The following FBXL2 variants were observed in gnomAD, a reference collection of about 807,000 sequenced individuals.
FBXL2 encodes the protein F-box and leucine rich repeat protein 2.
Under a neutral mutation model 69.2 loss-of-function variants are expected in FBXL2, and 38 were observed. The ratio of observed to expected loss-of-function variants is 0.55; its 90% CI spans 0.42 to 0.72. FBXL2 has a LOEUF of 0.72. Among genes scored for constraint, FBXL2 ranks in the 30% least tolerant of loss-of-function variants. The probability of loss-of-function intolerance (pLI) is 0.00; values close to 1 mark genes in which losing one functional copy is unlikely to be tolerated. For synonymous variants in FBXL2, 192 were observed against 201.3 expected (o/e 0.95, Z 0.39); for missense variants, 354 against 520.3 (o/e 0.68, Z 3.11).
At chr3:33,303,593 A>G (rs1373203070) in intron 2 of FBXL2, among the ~76,000 whole-genome samples, 2 of 152,188 alleles carry the variant, frequency 1.3e-5, no homozygotes, top group African/African-American at 2.4e-5. Flanking sequence ...AAATTATATT[A>G]GAGATCTATT....
At chr3:33,383,840 G>A in intron 13 of FBXL2, 149 bp from the exon 14 acceptor site, 1 of 645,270 alleles carries the variant, frequency 1.5e-6, no homozygotes, top group Admixed American at 2.6e-5. Context: ...CTGAAGGCTG[G>A]GAAGTCCAGG....
At chr3:33,293,964 T>C (rs746388604) in intron 1 of FBXL2, among the ~76,000 whole-genome samples, 10 of 152,138 alleles carry the variant, frequency 6.6e-5, no homozygotes, top group Non-Finnish European at 1.3e-4. Flanking sequence ...GACAGACATA[T>C]GTAAGACCAC....
At chr3:33,347,190 T>C (rs144833361) in intron 2 of FBXL2, among the ~76,000 whole-genome samples, 1 of 152,326 alleles carries the variant, frequency 6.6e-6, no homozygotes, top group African/African-American at 2.4e-5. Flanking sequence ...GTTTTAATTT[T>C]CAGCCTCCAC....
intron 12 of FBXL2, among the ~76,000 whole-genome samples, chr3:33,400,777 T>C (rs1013931653): frequency 1.2e-4 from 18 of 152,212 alleles, no homozygotes; most frequent in African/African-American, 4.3e-4. Context: ...CAGAGTAGGA[T>C]GACTATACCT....
intron 2 of FBXL2, 45 bp from the exon 3 acceptor site, chr3:33,358,922 A>T (rs2041409965): frequency 8.1e-7 from 1 of 1,235,972 alleles, no homozygotes; most frequent in African/African-American, 1.5e-5. Flanking sequence ...TTATCCTGAA[A>T]TGTTAACACC....
the FBXL2 span, among the ~76,000 whole-genome samples, chr3:33,417,528 C>T: frequency 6.6e-6 from 1 of 152,124 alleles, no homozygotes; most frequent in Admixed American, 6.6e-5. Context: ...TGTGTAAAGA[C>T]TAAACCAAAT....
rs545215517 is a variant in FBXL2, at chr3:33,365,755, C to CA, written c.290+1038dup. ...CAAACAAACAAACAAACAAACAAAC[C>CA]AACAACAATTTGTGCTTTGAGGATT... On this transcript the variant is annotated intron_variant, in intron 5 of 14. Transcript: ENST00000484457. Among the ~76,000 whole-genome samples the CA allele has an allele frequency of 6.1e-3, 417 of 68,768 alleles. 3 individuals are homozygous for CA. The highest frequency in any genetic ancestry group is 0.053 in the Middle Eastern group (8 of 152). The allele number at this position is 68,768 out of a possible 152,430, so 45.1% of individuals were successfully genotyped here. A position where few individuals can be genotyped will look rare whatever the true frequency, so the allele number is the denominator to read the frequency against.
intron 4 of FBXL2, among the ~76,000 whole-genome samples, chr3:33,362,035 A>G (rs1229693405): frequency 6.6e-6 from 1 of 152,216 alleles, no homozygotes; most frequent in Non-Finnish European, 1.5e-5. Flanking sequence ...AAACTGAGGC[A>G]AAGAAAAGGT....
chr3:33,390,109 G>A, downstream of FBXL2: 1 of 522,438 alleles, frequency 1.9e-6, no homozygotes. Context: ...AGAGCTGGAT[G>A]CATGCTGTGC....
intron 2 of FBXL2, among the ~76,000 whole-genome samples, chr3:33,354,585 T>C (rs1161978162): frequency 6.6e-6 from 1 of 151,416 alleles, no homozygotes; most frequent in Non-Finnish European, 1.5e-5. Flanking sequence ...CAAATGGAAA[T>C]ATTTTACAGT....
At chr3:33,299,285 G>A (rs1406242809) in intron 2 of FBXL2, among the ~76,000 whole-genome samples, 4 of 152,088 alleles carry the variant, frequency 2.6e-5, no homozygotes, top group East Asian at 1.9e-4. Context: ...CAGGTAATCC[G>A]CCCGCCTCGG....
chr3:33,401,251 G>T (rs1249169226), intron 12 of FBXL2, among the ~76,000 whole-genome samples: 1 of 152,136 alleles, frequency 6.6e-6, no homozygotes, highest in African/African-American at 2.4e-5. Context: ...ATCTGTACTA[G>T]TAAGAAATTC....
At chr3:33,329,836 T>C (rs530527861) in intron 2 of FBXL2, among the ~76,000 whole-genome samples, 19 of 151,920 alleles carry the variant, frequency 1.3e-4, no homozygotes, top group African/African-American at 4.3e-4. Flanking sequence ...TACAAAACTT[T>C]TTAAAAAATG....
chr3:33,278,177 A>G (rs1163064078), intron 1 of FBXL2: 1 of 152,140 alleles, frequency 6.6e-6, no homozygotes, highest in Non-Finnish European at 1.5e-5. Flanking sequence ...TTGTTCAGTT[A>G]ACTTCAGACG....
At chr3:33,385,386 T>G (rs573817291) in intron 14 of FBXL2, 115 bp from the exon 15 acceptor site, 12 of 926,048 alleles carry the variant, frequency 1.3e-5, no homozygotes, top group Non-Finnish European at 2.2e-5. Flanking sequence ...GCATAAATTC[T>G]ACTTCAACTA....
chr3:33,300,710 C>CT (rs576599326), intron 2 of FBXL2: 1,481 of 137,816 alleles, frequency 0.011, 14 homozygotes, highest in African/African-American at 0.028. Context: ...GCTATGCTTT[C>CT]TTTTTTTTTT....
Position 33,364,624 on chromosome 3 carries a change from G to T in FBXL2, c.196-1G>T. ...TTCCTCCCGAACTTTCTTGATTAAA[G>T]GGTCGAGTGGTGGAAAATATCTCGA... On this transcript the variant is annotated splice_acceptor_variant, in intron 4 of 14. Coordinates refer to ENST00000484457, the MANE Select transcript of FBXL2 (RefSeq NM_012157.5). LOFTEE classifies it high-confidence loss of function. The T allele has an allele frequency of 1.2e-6, 2 of 1,613,816 alleles. No individual in the cohort carries two copies. Among genetic ancestry groups the T allele is most frequent in the Non-Finnish European group, 1.7e-6 (2 of 1,179,790 alleles).
At chr3:33,306,725 G>A (rs2036753327) in intron 2 of FBXL2, among the ~76,000 whole-genome samples, 1 of 152,128 alleles carries the variant, frequency 6.6e-6, no homozygotes. Context: ...GTTGGATCCA[G>A]AGACTTTATA....
downstream of FBXL2, among the ~76,000 whole-genome samples, chr3:33,405,887 G>A (rs748235855): frequency 8.5e-5 from 13 of 152,126 alleles, no homozygotes; most frequent in Non-Finnish European, 1.8e-4. Flanking sequence ...GGCTTAAAAC[G>A]CTTGTCTGAC....
Sources: allele counts gnomAD v4.1 joint callset (sites outside exome capture counted in the v4.1 genomes callset), GRCh38; gene constraint gnomAD v4.1.1; transcripts MANE v1.5; gene names NCBI Gene and HGNC (gene_info 2026-07-23, HGNC 2026-07-21).